The following POLD3 variants were observed in gnomAD, a reference collection of about 807,000 sequenced individuals.
The protein encoded by POLD3 is DNA polymerase delta 3, accessory subunit.
Under a neutral mutation model 58.2 loss-of-function variants are expected in POLD3, and 19 were observed. The ratio of observed to expected loss-of-function variants is 0.33; its 90% CI spans 0.23 to 0.48. The LOEUF (loss-of-function observed/expected upper bound fraction) is 0.48. Ranked by LOEUF, POLD3 falls within the 20% of genes least tolerant of loss-of-function variation. The pLI is 0.99. For missense variants in POLD3, 504 were observed against 545.5 expected (o/e 0.92, Z 0.76); for synonymous variants, 172 against 193.5 (o/e 0.89, Z 0.92).
At chr11:74,648,604 G>A (rs1041046282) in intron 4 of POLD3, among the ~76,000 whole-genome samples, 1 of 152,156 alleles carries the variant, frequency 6.6e-6, no homozygotes, top group East Asian at 1.9e-4. Flanking sequence ...ACAAAGGCAT[G>A]GACACACAAG....
intron 4 of POLD3, among the ~76,000 whole-genome samples, chr11:74,659,179 T>A (rs1439182679): frequency 1.3e-5 from 2 of 152,212 alleles, no homozygotes; most frequent in Non-Finnish European, 2.9e-5. Flanking sequence ...CTGCCAAGGC[T>A]TGGGGCGTCC....
At chr11:74,628,358 C>A (rs2032492743) in intron 8 of POLD3, among the ~76,000 whole-genome samples, 1 of 152,020 alleles carries the variant, frequency 6.6e-6, no homozygotes, top group African/African-American at 2.4e-5. Context: ...CTGCTCTTAT[C>A]TTTATTGTTT....
intron 4 of POLD3, chr11:74,652,530 A>G (rs2033079575): frequency 6.6e-6 from 1 of 152,244 alleles, no homozygotes; most frequent in Non-Finnish European, 1.5e-5. Flanking sequence ...GAGATGGGAA[A>G]CTCAACCAGG....
chr11:74,604,907 A>G, intron 3 of POLD3, 113 bp downstream of exon 3: 1 of 625,768 alleles, frequency 1.6e-6, no homozygotes, highest in Non-Finnish European at 2.8e-6. Context: ...GTAGTTTTAA[A>G]GAGCTACTTG....
At chr11:74,621,775 G>A (rs1196437661) in intron 7 of POLD3, among the ~76,000 whole-genome samples, 6 of 152,038 alleles carry the variant, frequency 3.9e-5, no homozygotes, top group African/African-American at 9.7e-5. Context: ...CCAGCTACTC[G>A]GGAGACCGAG....
chr11:74,611,729 G>A lies in POLD3; in HGVS notation c.259+191G>A, dbSNP rs1042220807. On this transcript the variant is annotated intron_variant, in intron 4 of 11. Transcript: ENST00000263681. ...CATCTGCCTGACTTCCCATTTTTAGGGCCAATAGTTGCTGACATTTATAAA... is the reference window on the plus strand; with the variant it reads ...CATCTGCCTGACTTCCCATTTTTAGAGCCAATAGTTGCTGACATTTATAAA... 2.0e-4 allele frequency among the ~76,000 whole-genome samples: 31 copies of A among 152,044 alleles called. 1 individual carries two copies. The highest frequency in any genetic ancestry group is 1.9e-3 in the Admixed American group (29 of 15,264).
intron 11 of POLD3, among the ~76,000 whole-genome samples, chr11:74,639,994 A>G (rs577339243): frequency 2.4e-4 from 37 of 152,304 alleles, no homozygotes; most frequent in African/African-American, 7.2e-4. Flanking sequence ...TGAGTAACTA[A>G]TCTTCAATTC....
In POLD3 at chr11:74,640,800, G is replaced by T. The variant is rs371842261; in HGVS notation, c.*34G>T. 5 of 1,504,350 alleles carry T rather than the reference G, an allele frequency of 3.3e-6. No homozygotes were observed. The African/African-American group carries it at 7.0e-5, about 21-fold the overall frequency. 93.2% of individuals were successfully genotyped at this position (1,504,350 alleles called of 1,614,324 possible). A position where few individuals can be genotyped will look rare whatever the true frequency, so the allele number is the denominator to read the frequency against. ...CTCTGGTAGATCAGAGACTTGGAGT[G>T]GTCAAGGGAGAAGACCAAGAAATGT... On this transcript the variant is annotated 3_prime_UTR_variant, in exon 12 of 12. Transcript: ENST00000263681.
rs1317224719 is a variant in POLD3 at position 74,640,884 on chromosome 11, G to A, written c.*118G>A. On this transcript the variant is annotated 3_prime_UTR_variant, in exon 12 of 12. Coordinates refer to ENST00000263681, the MANE Select transcript of POLD3 (RefSeq NM_006591.3). The stretch of plus-strand genomic sequence containing the variant: ...TCCACCTCACCTGTATCAAAAGACT[G>A]TTCTTTCATCCTGTGAGGTTTATAC... 7.5e-7 allele frequency: 1 copy of A among 1,341,146 alleles called. No individual in the cohort carries two copies. Among genetic ancestry groups the A allele is most frequent in the Non-Finnish European group, 9.6e-7 (1 of 1,044,922 alleles). The allele number at this position is 1,341,146 out of a possible 1,614,324, so 83.1% of individuals were successfully genotyped here. A position where few individuals can be genotyped will look rare whatever the true frequency, so the allele number is the denominator to read the frequency against.
chr11:74,634,225 CAAATA>C (rs2032679301), intron 9 of POLD3, among the ~76,000 whole-genome samples: 1 of 152,046 alleles, frequency 6.6e-6, no homozygotes, highest in Non-Finnish European at 1.5e-5. Flanking sequence ...CTGTAATGTG[CAAATA>C]AGAAAATCTG....
intron 4 of POLD3, among the ~76,000 whole-genome samples, chr11:74,648,988 T>A (rs1323932344): frequency 2.0e-5 from 3 of 152,190 alleles, no homozygotes; most frequent in Non-Finnish European, 4.4e-5. Flanking sequence ...TGTGGAATGA[T>A]TAGCCTTTTG....
chr11:74,629,297 C>G lies in POLD3; in HGVS notation c.980C>G (p.Pro327Arg). 1 of 1,605,932 alleles carries G rather than the reference C, an allele frequency of 6.2e-7. No individual in the cohort carries two copies. The highest frequency in any genetic ancestry group is 1.3e-5 in the African/African-American group (1 of 74,430). ...MRKKRRRIKL[P>R]ESDSSEDEVF... is the part of the protein sequence containing the mutation. Reference sequence around the variant, plus strand: ...AAAAAGAGGAGAAGAATCAAACTTCCTGAATCTGATAGCAGTGAAGATGAA... The same window carrying G: ...AAAAAGAGGAGAAGAATCAAACTTCGTGAATCTGATAGCAGTGAAGATGAA... Residue 327 changes from proline to arginine, a missense_variant, in exon 9 of 12, where the codon CCT becomes CGT. By Grantham distance (103) the Pro-to-Arg change is moderately radical (BLOSUM62 -2). Coordinates refer to ENST00000263681, the MANE Select transcript of POLD3 (RefSeq NM_006591.3).
At chr11:74,607,872 A>G (rs2031752000) in intron 3 of POLD3, among the ~76,000 whole-genome samples, 1 of 152,168 alleles carries the variant, frequency 6.6e-6, no homozygotes, top group African/African-American at 2.4e-5. Context: ...TGCTAGGATT[A>G]CAGAAGTGAG....
intron 2 of POLD3, among the ~76,000 whole-genome samples, chr11:74,602,344 C>T (rs1378590657): frequency 6.6e-6 from 1 of 152,112 alleles, no homozygotes; most frequent in African/African-American, 2.4e-5. Flanking sequence ...ATTTAATATG[C>T]CCCCAAACCT....
intron 4 of POLD3, among the ~76,000 whole-genome samples, chr11:74,665,112 TAAAAA>T (rs1408998289): frequency 7.0e-6 from 1 of 143,528 alleles, no homozygotes; most frequent in Non-Finnish European, 1.5e-5. Context: ...AAAATAAAAA[TAAAAA>T]TAAAATAAAT....
At chr11:74,595,277 A>G (rs906579632) in intron 2 of POLD3, 1 of 149,976 alleles carries the variant, frequency 6.7e-6, no homozygotes, top group African/African-American at 2.4e-5. Flanking sequence ...ACAGGTGTAC[A>G]TCACCACACC....
chr11:74,604,744 C>T lies in POLD3; in HGVS notation c.169C>T (p.Leu57=). The T allele has an allele frequency of 1.2e-6, 2 of 1,611,402 alleles. No homozygotes were observed. Among genetic ancestry groups the T allele is most frequent in the Non-Finnish European group, 1.7e-6 (2 of 1,177,516 alleles). The stretch of plus-strand genomic sequence containing the variant: ...ACGAAAAGAAAATTCAGGAGCCCAA[C>T]TGCATGTTACCTACTTGGTGTCTGG... ...RKRKENSGAQ[L]HVTYLVSGSL... is the part of the protein sequence containing the mutation. Residue 57 remains leucine (L), a synonymous_variant, in exon 3 of 12, where the codon CTG becomes TTG. Transcript: ENST00000263681.
chr11:74,652,942 A>G (rs941026218), intron 4 of POLD3: 3 of 152,802 alleles, frequency 2.0e-5, no homozygotes, highest in South Asian at 2.1e-4. Flanking sequence ...GGAGCCCAGC[A>G]TCAGAAGTAT....
intron 4 of POLD3, among the ~76,000 whole-genome samples, chr11:74,667,791 A>C (rs1018338960): frequency 6.6e-6 from 1 of 152,216 alleles, no homozygotes; most frequent in African/African-American, 2.4e-5. Context: ...ACCCACAGAA[A>C]GGGCGAAAAT....
Sources: allele counts gnomAD v4.1 joint callset (sites outside exome capture counted in the v4.1 genomes callset), GRCh38; gene constraint gnomAD v4.1.1; transcripts MANE v1.5; gene names NCBI Gene and HGNC (gene_info 2026-07-23, HGNC 2026-07-21).